Variants in DOCK10 observed in about 807,000 individuals in gnomAD.
DOCK10 encodes dedicator of cytokinesis 10, also known as dedicator of cytokinesis protein 10.
DOCK10 carries 145 observed loss-of-function variants against 280.1 expected under a neutral mutation model. That is an observed-to-expected ratio of 0.52 (90% CI 0.45 to 0.59). DOCK10 has a LOEUF of 0.59. Among genes scored for constraint, DOCK10 ranks in the 20% least tolerant of loss-of-function variants. The pLI is 0.00. For synonymous variants in DOCK10, 915 were observed against 942.2 expected, an observed-to-expected ratio of 0.97 and a Z score of 0.53; for missense variants, 2,368 against 2,651.7, an observed-to-expected ratio of 0.89 and a Z score of 2.35.
At chr2:224,850,668 G>A (rs930915653) in intron 18 of DOCK10, among the ~76,000 whole-genome samples, 2 of 152,056 alleles carry the variant, frequency 1.3e-5, no homozygotes, top group African/African-American at 4.8e-5. Context: ...ATCCCGACAT[G>A]CCAAGGAGAG....
intron 2 of DOCK10, among the ~76,000 whole-genome samples, chr2:224,926,687 G>C (rs1280302467): frequency 1.3e-5 from 2 of 152,210 alleles, no homozygotes; most frequent in Non-Finnish European, 2.9e-5. Context: ...TGCCAAAGCA[G>C]GAAGTATTTT....
chr2:224,958,776 G>A (rs146571503), intron 1 of DOCK10, among the ~76,000 whole-genome samples: 323 of 152,160 alleles, frequency 2.1e-3, no homozygotes, highest in African/African-American at 7.4e-3. Context: ...TCAACGGTGC[G>A]GGATCTCCTA....
At chr2:225,018,778 C>A (rs1446943466) in intron 1 of DOCK10, among the ~76,000 whole-genome samples, 1 of 145,812 alleles carries the variant, frequency 6.9e-6, no homozygotes, top group African/African-American at 2.5e-5. Context: ...TACATATATA[C>A]ACCTAAGATG....
intron 25 of DOCK10, among the ~76,000 whole-genome samples, chr2:224,834,854 C>T (rs533269459): frequency 1.3e-3 from 203 of 152,246 alleles, no homozygotes; most frequent in African/African-American, 4.4e-3. Context: ...GGCTAGTTTT[C>T]AGTATTTCTT....
At chr2:224,921,104 A>ATATATATAT (rs1553613910) in intron 2 of DOCK10, among the ~76,000 whole-genome samples, 11 of 50,004 alleles carry the variant, frequency 2.2e-4, no homozygotes, top group African/African-American at 1.3e-3. Context: ...AAAAAAAAAA[A>ATATATATAT]AAAAAAAAAT....
At chr2:224,895,000 T>G (rs1240129068) in intron 4 of DOCK10, among the ~76,000 whole-genome samples, 1 of 152,210 alleles carries the variant, frequency 6.6e-6, no homozygotes. Context: ...GGTTTCATCT[T>G]ATTACGCCCC....
chr2:224,864,976 C>G lies in DOCK10; in HGVS notation c.1369G>C (p.Gly457Arg). 1 of 1,613,830 alleles carries G rather than the reference C, an allele frequency of 6.2e-7. No individual in the cohort carries two copies. The highest frequency in any genetic ancestry group is 8.5e-7 in the Non-Finnish European group (1 of 1,179,860). The change falls in exon 12 of 56, where the codon GGG (glycine) becomes CGG (arginine). Residue 457 changes from glycine to arginine, a missense_variant. Physicochemically the swap from Gly to Arg is moderately radical, Grantham distance 125. Coordinates refer to ENST00000258390, the MANE Select transcript of DOCK10 (RefSeq NM_014689.3). ...CCATTTTCCAAAGCCACAGAAGCCC[C>G]CAAGAGCATCTGTCTGACAGCAGCA... ...NHAAVRQMLL[G>R]ASVALENGNI...
In DOCK10 at chr2:224,844,780, T is replaced by A; in HGVS notation, c.2541A>T (p.Thr847=). Residue 847 remains threonine (T), a synonymous_variant, in exon 22 of 56, where the codon ACA becomes ACT. Coordinates refer to ENST00000258390, the MANE Select transcript of DOCK10 (RefSeq NM_014689.3). The part of the protein sequence containing the change: ...DGGKPLFKVS[T]FVVSTVNTQD... ...GAGTATTTACTGTTGATACAACAAA[T>A]GTCGACACTTTGAAAAGTGGTTTGC... The A allele has an allele frequency of 6.2e-7, 1 of 1,602,568 alleles. No homozygotes were observed. The highest frequency in any genetic ancestry group is 1.1e-5 in the South Asian group (1 of 88,546).
intron 1 of DOCK10, among the ~76,000 whole-genome samples, chr2:224,943,971 G>C (rs539679938): frequency 1.3e-5 from 2 of 152,234 alleles, no homozygotes; most frequent in South Asian, 4.1e-4. Context: ...CACCGTGTTA[G>C]TCAGGATGGT....
At chr2:224,825,794 G>T (rs960465888) in intron 27 of DOCK10, among the ~76,000 whole-genome samples, 2 of 152,198 alleles carry the variant, frequency 1.3e-5, no homozygotes, top group Non-Finnish European at 2.9e-5. Context: ...ACTGGAGATT[G>T]TGAATTTTTT....
chr2:224,811,333 T>C (rs1693758747), intron 31 of DOCK10, among the ~76,000 whole-genome samples: 1 of 152,118 alleles, frequency 6.6e-6, no homozygotes, highest in Admixed American at 6.5e-5. Flanking sequence ...GATGGGGTTG[T>C]TTGTTTTTTT....
chr2:224,838,528 G>A (rs1035486199), intron 24 of DOCK10, among the ~76,000 whole-genome samples: 1 of 152,156 alleles, frequency 6.6e-6, no homozygotes, highest in African/African-American at 2.4e-5. Flanking sequence ...ATGAGTTGAA[G>A]GCACAGCTGG....
At chr2:224,857,432 T>C (rs1167175428) in intron 14 of DOCK10, among the ~76,000 whole-genome samples, 1 of 152,206 alleles carries the variant, frequency 6.6e-6, no homozygotes, top group African/African-American at 2.4e-5. Flanking sequence ...TGGAAGGCCA[T>C]ACTCTTGACA....
chr2:224,842,268 T>C (rs1696016289), intron 22 of DOCK10, among the ~76,000 whole-genome samples: 1 of 152,254 alleles, frequency 6.6e-6, no homozygotes, highest in African/African-American at 2.4e-5. Context: ...ATACCATCCT[T>C]GACACACATG....
chr2:224,984,572 C>A (rs1014058476), intron 1 of DOCK10, among the ~76,000 whole-genome samples: 3 of 152,260 alleles, frequency 2.0e-5, no homozygotes, highest in African/African-American at 7.2e-5. Flanking sequence ...AAGGAATGTC[C>A]AAGGATTAGT....
At chr2:224,772,891 C>T (rs936027389) in intron 53 of DOCK10, among the ~76,000 whole-genome samples, 3 of 152,138 alleles carry the variant, frequency 2.0e-5, no homozygotes, top group Admixed American at 6.6e-5. Context: ...AGATATAGAA[C>T]ACAGTTATCC....
intron 3 of DOCK10, among the ~76,000 whole-genome samples, chr2:224,903,294 A>G (rs771779264): frequency 2.2e-4 from 34 of 152,234 alleles, no homozygotes; most frequent in Non-Finnish European, 2.2e-4. Context: ...TACTTGATAT[A>G]AGATGGTGTT....
chr2:225,025,837 T>C (rs964407748), intron 1 of DOCK10, among the ~76,000 whole-genome samples: 2 of 152,210 alleles, frequency 1.3e-5, no homozygotes, highest in African/African-American at 4.8e-5. Flanking sequence ...TTAAAAACCA[T>C]ACATATGCAT....
chr2:224,783,418 G>A (rs1007470742), intron 50 of DOCK10, among the ~76,000 whole-genome samples: 3 of 151,998 alleles, frequency 2.0e-5, no homozygotes, highest in Non-Finnish European at 4.4e-5. Context: ...GGGATTACAG[G>A]CGCTCGCCAC....
Sources: gnomAD v4.1 joint callset for allele counts (sites outside exome capture counted in the v4.1 genomes callset) on GRCh38, gnomAD v4.1.1 for gene constraint, MANE v1.5 for transcripts, NCBI Gene and HGNC (gene_info 2026-07-23, HGNC 2026-07-21) for gene names.